TTN: variants seen among roughly 807,000 people sequenced by gnomAD.
TTN encodes the protein titin.
TTN carries 1,525 observed loss-of-function variants against 3,223.0 expected under a neutral mutation model. That is an observed-to-expected ratio of 0.47 (90% CI 0.45 to 0.49). The LOEUF is 0.49. TTN is among the 20% of genes least tolerant of loss of function. The probability of loss-of-function intolerance (pLI) is 0.00; values close to 1 mark genes in which losing one functional copy is unlikely to be tolerated. For synonymous variants in TTN, 14,094 were observed against 15,161.0 expected, an observed-to-expected ratio of 0.93 and a Z score of 5.17; for missense variants, 40,786 against 43,424.0, an observed-to-expected ratio of 0.94 and a Z score of 5.40.
Position 178,551,045 on chromosome 2 carries a change from T to C in TTN, c.91486A>G (p.Ile30496Val). The change falls in exon 336 of 363, where the codon ATA (isoleucine) becomes GTA (valine). Residue 30496 changes from isoleucine (I) to valine (V), a missense_variant. Transcript: ENST00000589042. ...GTTCCAACAGCATTTCTTGCAATTA[T>C]TCTGAACTCATAGCGATCCCCAGGA... Reference protein sequence around the residue: ...LSPGDRYEFRIIARNAVGTIS... With the variant: ...LSPGDRYEFRVIARNAVGTIS... The C allele has an allele frequency of 6.2e-7, 1 of 1,613,466 alleles. No individual in the cohort carries two copies. Among genetic ancestry groups the C allele is most frequent in the Non-Finnish European group, 8.5e-7 (1 of 1,179,646 alleles).
In TTN at chr2:178,734,980, A is replaced by T. The variant is rs775173260; in HGVS notation, c.14944T>A (p.Ser4982Thr). Residue 4982 changes from serine (S) to threonine (T), a missense_variant, in exon 51 of 363, where the codon TCC becomes ACC. Coordinates refer to ENST00000589042, the MANE Select transcript of TTN (RefSeq NM_001267550.2). Reference sequence around the variant, plus strand: ...GAGGGATCCACCTTCTTCACGAAGGATGGTGGCTCTACATGAAGTTTACAA... The same window carrying T: ...GAGGGATCCACCTTCTTCACGAAGGTTGGTGGCTCTACATGAAGTTTACAA... Reference protein sequence around the residue: ...SATVTVREPPSFVKKVDPSYL... With the variant: ...SATVTVREPPTFVKKVDPSYL... 1 of 1,576,278 alleles carries T rather than the reference A, an allele frequency of 6.3e-7. No individual in the cohort carries two copies. The highest frequency in any genetic ancestry group is 1.4e-5 in the African/African-American group (1 of 73,878).
intron 20 of TTN, 65 bp downstream of exon 20, chr2:178,782,147 T>C (rs2092836108): frequency 6.3e-7 from 1 of 1,586,486 alleles, no homozygotes; most frequent in East Asian, 2.2e-5. Context: ...GAGTAAATTC[T>C]ACTCTAGGCT....
chr2:178,576,278 T>C lies in TTN; in HGVS notation c.69854A>G (p.Glu23285Gly). The C allele has an allele frequency of 6.9e-6, 11 of 1,605,364 alleles. No homozygotes were observed. Among genetic ancestry groups the C allele is most frequent in the Non-Finnish European group, 8.5e-6 (10 of 1,176,394 alleles). ...YVVEHQKVGD[E>G]AWIKDTTGTA... ...TCCTGTGGTATCTTTTATCCAGGCC[T>C]CGTCTCCTACTTTTTGATGCTCCAC... Residue 23285 changes from glutamate to glycine, a missense_variant, in exon 326 of 363, where the codon GAG becomes GGG. Physicochemically the swap from Glu to Gly is moderately conservative, Grantham distance 98. Transcript: ENST00000589042. This position sits in a 1 kb window ranked among gnomAD's most constrained non-coding sequence, Gnocchi z 4.3.
At position 178,546,078 on chromosome 2, in the gene TTN, C is replaced by T. The variant is rs1575443877; in HGVS notation, c.95158G>A (p.Val31720Ile). The T allele has an allele frequency of 6.2e-7, 1 of 1,612,580 alleles. No homozygotes were observed. The stretch of plus-strand genomic sequence containing the variant: ...GCTAAAGTGCACTTCTCCTGTGTTA[C>T]TCTGCTGACGGTGAGCTTTCCACAT... Reference protein sequence around the residue: ...GPCGKLTVSRVTQEKCTLAWS... With the variant: ...GPCGKLTVSRITQEKCTLAWS... Residue 31720 changes from valine (V) to isoleucine (I), a missense_variant, in exon 343 of 363, where the codon GTA (valine) becomes ATA (isoleucine). By Grantham distance (29) the Val-to-Ile change is conservative. Coordinates refer to ENST00000589042, the MANE Select transcript of TTN (RefSeq NM_001267550.2).
At chr2:178,804,790 G>C in intron 1 of TTN, 135 bp from the exon 2 acceptor site, 1 of 768,594 alleles carries the variant, frequency 1.3e-6, no homozygotes, top group Non-Finnish European at 2.1e-6. Flanking sequence ...GTGATGGGCA[G>C]GTCTTCTCTT....
rs576038518 is a variant in TTN at position 178,717,206 on chromosome 2, T to G, written c.25528A>C (p.Thr8510Pro). 6.2e-7 allele frequency: 1 copy of G among 1,613,650 alleles called. No individual in the cohort carries two copies. Among genetic ancestry groups the G allele is most frequent in the Non-Finnish European group, 8.5e-7 (1 of 1,179,652 alleles). Reference protein sequence around the residue: ...GNYKMTLVENTATLTVLKVGK... With the variant: ...GNYKMTLVENPATLTVLKVGK... ...ACTTTGAGAACTGTCAGAGTGGCAGTATTTTCTACCAAAGTCATCTTGTAG... is the reference window on the plus strand; with the variant it reads ...ACTTTGAGAACTGTCAGAGTGGCAGGATTTTCTACCAAAGTCATCTTGTAG... Residue 8510 changes from threonine to proline, a missense_variant, in exon 88 of 363, where the codon ACT (threonine) becomes CCT (proline). Transcript: ENST00000589042.
Position 178,527,613 on chromosome 2 carries a change from C to CTGCTGCTGAAACTGCTGAA in TTN, c.107494_107512dup (p.Ser35838IlefsTer10). On this transcript the variant is annotated frameshift_variant, in exon 362 of 363. Coordinates refer to ENST00000589042, the MANE Select transcript of TTN (RefSeq NM_001267550.2). LOFTEE classifies it high-confidence loss of function. Reference sequence around the variant, plus strand: ...CATCTCAGTCATGCTGCTAGCACTGCTGCTGCTGAAACTGCTGAAGGAGGC... The same window carrying CTGCTGCTGAAACTGCTGAA: ...CATCTCAGTCATGCTGCTAGCACTGCTGCTGCTGAAACTGCTGAATGCTGCTGAAACTGCTGAAGGAGGC... 1 of 1,614,020 alleles carries CTGCTGCTGAAACTGCTGAA rather than the reference C, an allele frequency of 6.2e-7. No homozygotes were observed. Among genetic ancestry groups the CTGCTGCTGAAACTGCTGAA allele is most frequent in the Non-Finnish European group, 8.5e-7 (1 of 1,179,874 alleles).
In TTN at chr2:178,664,515, A is replaced by T; in HGVS notation, c.36225T>A (p.Val12075=). 1 of 1,612,308 alleles carries T rather than the reference A, an allele frequency of 6.2e-7. No individual in the cohort carries two copies. The highest frequency in any genetic ancestry group is 8.5e-7 in the Non-Finnish European group (1 of 1,179,484). The part of the protein sequence containing the change: ...PDEVPEALRE[V]VPEKKVHPPQ... ...GAGGATGCACTTTCTTTTCCGGGAC[A>T]ACTTCTCTGAGAGCCTCCGGCACTT... Residue 12075 remains valine, a synonymous_variant, in exon 168 of 363, where the codon GTT becomes GTA. Coordinates refer to ENST00000589042, the MANE Select transcript of TTN (RefSeq NM_001267550.2).
chr2:178,591,432 A>G lies in TTN; in HGVS notation c.60293T>C (p.Phe20098Ser). Reference protein sequence around the residue: ...LVVKAGTTVRFPAIIRGVPVP... With the variant: ...LVVKAGTTVRSPAIIRGVPVP... ...AGGCACACCTCTTATAATAGCAGGGAATCTGACTGTGGTTCCAGCCTTTAC... is the reference window on the plus strand; with the variant it reads ...AGGCACACCTCTTATAATAGCAGGGGATCTGACTGTGGTTCCAGCCTTTAC... The change falls in exon 304 of 363, where the codon TTC (phenylalanine) becomes TCC (serine). Residue 20098 changes from phenylalanine (F) to serine (S), a missense_variant. Physicochemically the swap from Phe to Ser is radical, Grantham distance 155. Coordinates refer to ENST00000589042, the MANE Select transcript of TTN (RefSeq NM_001267550.2). The G allele has an allele frequency of 2.5e-6, 4 of 1,605,764 alleles. No individual in the cohort carries two copies. Among genetic ancestry groups the G allele is most frequent in the East Asian group, 2.2e-5 (1 of 44,752 alleles).
chr2:178,709,488 T>A, intron 99 of TTN, 78 bp downstream of exon 99: 2 of 1,436,604 alleles, frequency 1.4e-6, no homozygotes, highest in Non-Finnish European at 1.9e-6. Context: ...TTGGTCAAGA[T>A]ATCATAAGAA....
In TTN at chr2:178,538,749, C is replaced by T. The variant is rs1060500594; in HGVS notation, c.99080G>A (p.Gly33027Asp). 2.5e-6 allele frequency: 4 copies of T among 1,613,730 alleles called. No individual in the cohort carries two copies. The highest frequency in any genetic ancestry group is 1.1e-5 in the South Asian group (1 of 91,080). Residue 33027 changes from glycine to aspartate, a missense_variant, in exon 354 of 363, where the codon GGT becomes GAT. Gly to Asp is a moderately conservative substitution (Grantham distance 94). Coordinates refer to ENST00000589042, the MANE Select transcript of TTN (RefSeq NM_001267550.2). ...AACCCAGTATCCAAGAATTTCTTTA[C>T]CACCATCACATTCAGGTTTCTCCCA... ...LQWEKPECDG[G>D]KEILGYWVEY...
chr2:178,664,722 T>C lies in TTN; in HGVS notation c.36134A>G (p.Gln12045Arg). 1.2e-6 allele frequency: 2 copies of C among 1,612,468 alleles called. No individual in the cohort carries two copies. The highest frequency in any genetic ancestry group is 1.7e-6 in the Non-Finnish European group (2 of 1,179,686). ...CGTTTTCTTTTCAGGGACAATTTCT[T>C]GGAGAGCTTCAGGCACTTTAAGAAA... ...PPSVKVPEAL[Q>R]EIVPEKKTLV... is the part of the protein sequence containing the mutation. Residue 12045 changes from glutamine (Q) to arginine (R), a missense_variant, in exon 167 of 363, where the codon CAA becomes CGA. Transcript: ENST00000589042.
Position 178,589,900 on chromosome 2 carries a change from G to A in TTN, c.61825C>T (p.Arg20609Cys), listed in dbSNP as rs786205389. 4.2e-5 allele frequency: 67 copies of A among 1,613,204 alleles called. No individual in the cohort carries two copies. Among genetic ancestry groups the A allele is most frequent in the Non-Finnish European group, 5.1e-5 (60 of 1,179,554 alleles). ...SEITNFIVEY[R>C]KPNQKGWSIV... ...GACCAGCCTTTCTGGTTTGGTTTGC[G>A]ATATTCTACTATGAAGTTTGTTATT... The change falls in exon 304 of 363, where the codon CGC becomes TGC. Residue 20609 changes from arginine to cysteine, a missense_variant. Coordinates refer to ENST00000589042, the MANE Select transcript of TTN (RefSeq NM_001267550.2).
chr2:178,551,242 T>C lies in TTN; in HGVS notation c.91289A>G (p.Asp30430Gly). ...GGTTTCCCGGGTGACATCAATGTAGTCAGGAGTGCCAGGTGGGTCTAAAAA... is the reference window on the plus strand; with the variant it reads ...GGTTTCCCGGGTGACATCAATGTAGCCAGGAGTGCCAGGTGGGTCTAAAAA... ...VSPVDPPGTP[D>G]YIDVTRETIT... Residue 30430 changes from aspartate to glycine, a missense_variant, in exon 336 of 363, where the codon GAC becomes GGC. By Grantham distance (94) the Asp-to-Gly change is moderately conservative. Coordinates refer to ENST00000589042, the MANE Select transcript of TTN (RefSeq NM_001267550.2). The C allele has an allele frequency of 6.2e-7, 1 of 1,612,440 alleles. No homozygotes were observed.
intron 1 of TTN, 107 bp from the exon 2 acceptor site, chr2:178,804,762 G>A: frequency 2.0e-6 from 2 of 986,976 alleles, no homozygotes; most frequent in Non-Finnish European, 3.1e-6. Context: ...TGCTCCATAG[G>A]TCATCTGTGG....
intron 218 of TTN, chr2:178,644,295 T>G: frequency 3.0e-6 from 1 of 333,424 alleles, no homozygotes; most frequent in Non-Finnish European, 5.4e-6. Flanking sequence ...ATTTTTAAGT[T>G]TAGGAAAATG....
At chr2:178,616,294 A>G (rs2057330103) in intron 257 of TTN, among the ~76,000 whole-genome samples, 185 bp downstream of exon 257, 1 of 151,852 alleles carries the variant, frequency 6.6e-6, no homozygotes. Flanking sequence ...TTACAATTAT[A>G]CAATCCTTGG....
chr2:178,793,344 A>T, intron 9 of TTN, 60 bp downstream of exon 9: 1 of 1,593,012 alleles, frequency 6.3e-7, no homozygotes, highest in South Asian at 1.1e-5. Context: ...GGTAAAGGTG[A>T]TTATCTGTGT....
At position 178,546,509 on chromosome 2, in the gene TTN, G is replaced by T. The variant is rs1223693326; in HGVS notation, c.94829-7C>A. 6.2e-7 allele frequency: 1 copy of T among 1,608,472 alleles called. No homozygotes were observed. Among genetic ancestry groups the T allele is most frequent in the Admixed American group, 1.7e-5 (1 of 59,672 alleles). ...AGTTCGGCTTTGGGTGGAGCTGTCA[G>T]TAGGCAAAACAGATATGAATGAATA... On this transcript the variant is annotated splice_polypyrimidine_tract_variant and splice_region_variant and intron_variant, in intron 341 of 362. Transcript: ENST00000589042.
Sources: allele counts gnomAD v4.1 joint callset (sites outside exome capture counted in the v4.1 genomes callset), GRCh38; gene constraint gnomAD v4.1.1; non-coding constraint Gnocchi (gnomAD v3.1); transcripts MANE v1.5; gene names NCBI Gene and HGNC (gene_info 2026-07-23, HGNC 2026-07-21).